The following SLC35F1 variants were observed in gnomAD, a reference collection of about 807,000 sequenced individuals.
SLC35F1 encodes the protein chromosome 6 open reading frame 169.
In SLC35F1, 14 loss-of-function variants were observed where a neutral mutation model predicts 48.7. The observed-to-expected ratio is 0.29, with a 90% CI of 0.19 to 0.45. SLC35F1 has a LOEUF of 0.45. Among genes scored for constraint, SLC35F1 ranks in the 20% least tolerant of loss-of-function variants. The pLI is 1.00. For synonymous variants in SLC35F1, 190 were observed against 202.2 expected (o/e 0.94, Z 0.51); for missense variants, 404 against 500.0 (o/e 0.81, Z 1.83).
intron 2 of SLC35F1, among the ~76,000 whole-genome samples, chr6:118,174,132 C>G (rs1774452202): frequency 6.6e-6 from 1 of 152,146 alleles, no homozygotes; most frequent in Admixed American, 6.6e-5. Flanking sequence ...AGTTCAGTCT[C>G]TACTGTTTTT....
At chr6:118,074,514 A>G (rs1772790286) in intron 1 of SLC35F1, among the ~76,000 whole-genome samples, 1 of 152,190 alleles carries the variant, frequency 6.6e-6, no homozygotes, top group African/African-American at 2.4e-5. Context: ...ATTTGTCTTC[A>G]TTGATGATGC....
rs1186149568 is a variant in SLC35F1 at position 117,988,332 on chromosome 6, A to C, written c.173+80433A>C. ...CTTGTAGTCACTTCCCTTATATCCC[A>C]GAGCAGCAAACCCATCTAGGCTAAT... On this transcript the variant is annotated intron_variant, in intron 1 of 7. Transcript: ENST00000360388. Among the ~76,000 whole-genome samples the C allele has an allele frequency of 3.3e-5, 5 of 152,340 alleles. No individual in the cohort carries two copies. The East Asian group carries it at 9.6e-4, about 29-fold the overall frequency.
In SLC35F1 at chr6:118,262,306, C is replaced by T. The variant is rs547294483; in HGVS notation, c.478-4689C>T. Among the ~76,000 whole-genome samples the T allele has an allele frequency of 6.6e-5, 10 of 151,798 alleles. No homozygotes were observed. In the East Asian group the frequency reaches 1.7e-3, roughly 26 times the overall value. On this transcript the variant is annotated intron_variant, in intron 3 of 7. Transcript: ENST00000360388. The stretch of plus-strand genomic sequence containing the variant: ...TTGGCAGGAAGGAAGGGATGGGATG[C>T]GTGTGTGCAGGAGAGGGCATAACCA...
intron 1 of SLC35F1, among the ~76,000 whole-genome samples, chr6:117,938,803 G>A (rs9489283): frequency 0.031 from 4,653 of 152,198 alleles, 252 homozygotes; most frequent in African/African-American, 0.11. Context: ...AGGTAGCTTT[G>A]TCTGAATAGA....
At chr6:118,071,922 T>G (rs186243698) in intron 1 of SLC35F1, among the ~76,000 whole-genome samples, 9 of 152,316 alleles carry the variant, frequency 5.9e-5, no homozygotes, top group Admixed American at 3.9e-4. Flanking sequence ...CCTCACTCAT[T>G]GTTCTGGACA....
In SLC35F1 at chr6:118,183,101, T is replaced by C. The variant is rs117167116; in HGVS notation, c.349+28481T>C. ...AGTAAGAAGAACTGTATGGCTCAGA[T>C]TGTTGCAATCCATCATGGTAACTCT... On this transcript the variant is annotated intron_variant, in intron 2 of 7. Coordinates refer to ENST00000360388, the MANE Select transcript of SLC35F1 (RefSeq NM_001029858.4). Among the ~76,000 whole-genome samples the C allele has an allele frequency of 3.4e-3, 519 of 152,330 alleles. 5 individuals carry two copies. The highest frequency in any genetic ancestry group is 0.023 in the South Asian group (109 of 4,832).
In SLC35F1 at chr6:117,975,515, C is replaced by T. The variant is rs188563258; in HGVS notation, c.173+67616C>T. ...TCATTTTAGTATGATCTCCCTCCCACTTTGATGTTTTAGAATTAATTGTGT... is the reference window on the plus strand; with the variant it reads ...TCATTTTAGTATGATCTCCCTCCCATTTTGATGTTTTAGAATTAATTGTGT... On this transcript the variant is annotated intron_variant, in intron 1 of 7. Transcript: ENST00000360388. Among the ~76,000 whole-genome samples the T allele has an allele frequency of 5.3e-5, 8 of 152,282 alleles. 1 individual carries two copies. The highest frequency in any genetic ancestry group is 3.3e-4 in the Admixed American group (5 of 15,298).
intron 2 of SLC35F1, among the ~76,000 whole-genome samples, chr6:118,225,418 TGG>T: frequency 6.6e-6 from 1 of 152,180 alleles, no homozygotes; most frequent in Non-Finnish European, 1.5e-5. Context: ...TAAATGATCC[TGG>T]AAAAACTGGT....
At chr6:118,286,018 A>G (rs1208743463) in intron 7 of SLC35F1, among the ~76,000 whole-genome samples, 1 of 152,020 alleles carries the variant, frequency 6.6e-6, no homozygotes, top group Non-Finnish European at 1.5e-5. Context: ...GTCAGATCCT[A>G]CTCCTCTTAA....
At chr6:118,174,432 A>T (rs1186704304) in intron 2 of SLC35F1, among the ~76,000 whole-genome samples, 1 of 152,130 alleles carries the variant, frequency 6.6e-6, no homozygotes, top group Non-Finnish European at 1.5e-5. Context: ...AGAAATGAAG[A>T]ATGTAGGACT....
Position 118,275,692 on chromosome 6 carries a change from G to A in SLC35F1, c.794+77G>A, listed in dbSNP as rs540291165. ...TTCTTACAATTTTTGTTCTTGGGAT[G>A]TAAAAATCAAGGCTGGAATCCAGAC... On this transcript the variant is annotated intron_variant, in intron 5 of 7. Transcript: ENST00000360388. The A allele has an allele frequency of 9.9e-4, 1,439 of 1,447,650 alleles. 3 individuals are homozygous for A. Among genetic ancestry groups the A allele is most frequent in the South Asian group, 1.4e-3 (110 of 75,926 alleles). The allele number at this position is 1,447,650 out of a possible 1,614,324, so 89.7% of individuals were successfully genotyped here.
intron 1 of SLC35F1, among the ~76,000 whole-genome samples, chr6:117,967,262 T>C (rs1311378254): frequency 6.6e-6 from 1 of 152,112 alleles, no homozygotes; most frequent in Admixed American, 6.6e-5. Context: ...GGAAGAAGGA[T>C]AGAAAATACA....
At chr6:117,969,357 C>T (rs1488316960) in intron 1 of SLC35F1, among the ~76,000 whole-genome samples, 1 of 152,202 alleles carries the variant, frequency 6.6e-6, no homozygotes, top group Non-Finnish European at 1.5e-5. Context: ...CCAGTCAGGA[C>T]TCAGTGACAT....
intron 1 of SLC35F1, among the ~76,000 whole-genome samples, chr6:118,000,297 A>T (rs1161383714): frequency 6.6e-6 from 1 of 151,300 alleles, no homozygotes; most frequent in Non-Finnish European, 1.5e-5. Flanking sequence ...GGTTCAATAT[A>T]TGCAAATCAA....
At chr6:117,953,338 A>T (rs185306968) in intron 1 of SLC35F1, among the ~76,000 whole-genome samples, 66 of 152,224 alleles carry the variant, frequency 4.3e-4, no homozygotes, top group Non-Finnish European at 7.9e-4. Flanking sequence ...TGACAACCTT[A>T]TTATTTGCTT....
At chr6:118,264,346 T>C (rs938287944) in intron 3 of SLC35F1, among the ~76,000 whole-genome samples, 2 of 152,236 alleles carry the variant, frequency 1.3e-5, no homozygotes, top group African/African-American at 4.8e-5. Flanking sequence ...TGAGGCCCCA[T>C]TGTATGATAA....
chr6:117,942,521 T>C (rs566044053), intron 1 of SLC35F1, among the ~76,000 whole-genome samples: 29 of 152,358 alleles, frequency 1.9e-4, no homozygotes, highest in Middle Eastern at 3.4e-3. Flanking sequence ...TTTATGTCCA[T>C]CTTAGTTTAA....
At chr6:118,278,816 T>C (rs1169254525) in intron 6 of SLC35F1, among the ~76,000 whole-genome samples, 1 of 152,224 alleles carries the variant, frequency 6.6e-6, no homozygotes, top group Non-Finnish European at 1.5e-5. Context: ...GGTCCATGAG[T>C]ATAAATTAAT....
intron 2 of SLC35F1, among the ~76,000 whole-genome samples, chr6:118,162,844 C>G (rs1360871485): frequency 6.6e-6 from 1 of 152,194 alleles, no homozygotes; most frequent in Non-Finnish European, 1.5e-5. Context: ...ATAAGCAGTG[C>G]TTACAGTGCT....
Sources: allele counts gnomAD v4.1 joint callset (sites outside exome capture counted in the v4.1 genomes callset), GRCh38; gene constraint gnomAD v4.1.1; transcripts MANE v1.5; gene names NCBI Gene and HGNC (gene_info 2026-07-23, HGNC 2026-07-21).